The following LNP1 variants were observed in gnomAD, a reference collection of about 807,000 sequenced individuals.
LNP1 encodes leukemia NUP98 fusion partner 1.
Under a neutral mutation model 14.5 loss-of-function variants are expected in LNP1, and 12 were observed. The observed-to-expected ratio is 0.83, with a 90% confidence interval of 0.53 to 1.34. The LOEUF (loss-of-function observed/expected upper bound fraction) is 1.34, where lower values mean the gene tolerates loss of function less well. Ranked by LOEUF, LNP1 falls within the 40% of genes most tolerant of loss-of-function variation. LNP1 has a pLI of 0.00. For missense variants in LNP1, 198 were observed against 210.9 expected, an observed-to-expected ratio of 0.94 and a Z score of 0.38; for synonymous variants, 75 against 71.4, an observed-to-expected ratio of 1.05 and a Z score of -0.26.
At chr3:100,431,399 C>T (rs541039639) in intron 2 of LNP1, among the ~76,000 whole-genome samples, 119 of 152,332 alleles carry the variant, frequency 7.8e-4, no homozygotes, top group Non-Finnish European at 1.4e-3. Context: ...ATCTGCTTAT[C>T]CCTGCTTCGG....
At chr3:100,422,089 A>G (rs1164847330) in intron 1 of LNP1, among the ~76,000 whole-genome samples, 1 of 151,818 alleles carries the variant, frequency 6.6e-6, no homozygotes, top group African/African-American at 2.4e-5. Context: ...AGAAGTGCTG[A>G]GGCATTACCT....
intron 2 of LNP1, 64 bp from the exon 3 acceptor site, chr3:100,451,655 C>T (rs746201107): frequency 3.6e-6 from 2 of 551,604 alleles, no homozygotes; most frequent in East Asian, 1.1e-4. Context: ...TATAAACATT[C>T]TGCCTCTGTG....
intron 1 of LNP1, among the ~76,000 whole-genome samples, chr3:100,425,816 C>T (rs900422861): frequency 6.6e-6 from 1 of 152,194 alleles, no homozygotes; most frequent in Non-Finnish European, 1.5e-5. Flanking sequence ...GTTTACATTA[C>T]CCTATCCCTT....
At position 100,442,118 on chromosome 3, in the gene LNP1, A is replaced by G. The variant is rs1707349298; in HGVS notation, c.157-9601A>G. Among the ~76,000 whole-genome samples the G allele has an allele frequency of 2.0e-5, 3 of 152,196 alleles. No individual in the cohort carries two copies. The South Asian group carries it at 6.2e-4, about 31-fold the overall frequency. On this transcript the variant is annotated intron_variant, in intron 2 of 3. Coordinates refer to ENST00000383693, the MANE Select transcript of LNP1 (RefSeq NM_001085451.2). The stretch of plus-strand genomic sequence containing the variant: ...TATGGCTCCATTAAAAAATTTTAAA[A>G]ATCATTTTGGAGTTTATTTTTACAT...
At chr3:100,426,023 G>A (rs1025753729) in intron 1 of LNP1, among the ~76,000 whole-genome samples, 3 of 152,148 alleles carry the variant, frequency 2.0e-5, no homozygotes, top group African/African-American at 7.2e-5. Flanking sequence ...ATCCCATAAG[G>A]GGTCAAGAGC....
intron 1 of LNP1, among the ~76,000 whole-genome samples, chr3:100,420,120 T>C (rs1207305629): frequency 6.6e-6 from 1 of 152,366 alleles, no homozygotes; most frequent in East Asian, 1.9e-4. Flanking sequence ...CTTTACCTAA[T>C]GGCTAATGAT....
intron 2 of LNP1, among the ~76,000 whole-genome samples, chr3:100,430,300 G>C (rs1431182968): frequency 2.6e-5 from 4 of 152,190 alleles, no homozygotes; most frequent in Admixed American, 2.6e-4. Context: ...AGGAACTGGG[G>C]ATCCCACATG....
At chr3:100,446,564 C>G (rs1439075240) in intron 2 of LNP1, among the ~76,000 whole-genome samples, 1 of 152,052 alleles carries the variant, frequency 6.6e-6, no homozygotes, top group African/African-American at 2.4e-5. Flanking sequence ...ACTAAAACAC[C>G]AAAAGCAATG....
intron 1 of LNP1, among the ~76,000 whole-genome samples, chr3:100,421,941 T>C (rs1707147277): frequency 6.6e-6 from 1 of 152,214 alleles, no homozygotes; most frequent in East Asian, 1.9e-4. Flanking sequence ...TTTGTCAGTT[T>C]TCTTTATGTG....
chr3:100,446,926 GCAATCA>G (rs1301687691), intron 2 of LNP1, among the ~76,000 whole-genome samples: 1 of 152,154 alleles, frequency 6.6e-6, no homozygotes, highest in Non-Finnish European at 1.5e-5. Context: ...AGTTAGAACG[GCAATCA>G]TTAAAAAGTC....
At chr3:100,445,023 A>G (rs1232447227) in intron 2 of LNP1, among the ~76,000 whole-genome samples, 1 of 152,210 alleles carries the variant, frequency 6.6e-6, no homozygotes, top group Non-Finnish European at 1.5e-5. Context: ...CTGTAATCCC[A>G]GCACTTTGGG....
chr3:100,449,641 C>G (rs897405139), intron 2 of LNP1, among the ~76,000 whole-genome samples: 1 of 152,008 alleles, frequency 6.6e-6, no homozygotes, highest in African/African-American at 2.4e-5. Flanking sequence ...ACAAAACAAA[C>G]AAACAAACAA....
At chr3:100,420,562 A>G (rs1233325092) in intron 1 of LNP1, among the ~76,000 whole-genome samples, 3 of 151,182 alleles carry the variant, frequency 2.0e-5, no homozygotes, top group Non-Finnish European at 3.0e-5. Context: ...AGTGATCCTC[A>G]TATCTTGGCC....
intron 3 of LNP1, among the ~76,000 whole-genome samples, chr3:100,455,210 T>C (rs1707499179): frequency 6.6e-6 from 1 of 152,246 alleles, no homozygotes; most frequent in Admixed American, 6.5e-5. Context: ...AGTAGGTCTA[T>C]TTAGTGTTAT....
Position 100,409,802 on chromosome 3 carries a change from C to A in LNP1, c.-34+7363C>A, listed in dbSNP as rs540202912. ...TAGAGACGGGGTTTCACCATATTGG[C>A]CGGGCTGGTGTTGAACTCCTGACCT... On this transcript the variant is annotated intron_variant, in intron 1 of 3. Transcript: ENST00000383693. Among the ~76,000 whole-genome samples, 3 of 151,406 alleles carry A rather than the reference C, an allele frequency of 2.0e-5. No homozygotes were observed. In the South Asian group the frequency reaches 6.3e-4, roughly 32 times the overall value.
chr3:100,403,669 C>T (rs1468641217), intron 1 of LNP1, among the ~76,000 whole-genome samples: 1 of 152,128 alleles, frequency 6.6e-6, no homozygotes, highest in Non-Finnish European at 1.5e-5. Context: ...GAACTCCTGA[C>T]CTCAGGTGAT....
In LNP1 at chr3:100,452,629, C is replaced by CTAG. The variant is rs540019982; in HGVS notation, c.387+681_387+682insAGT. 6.1e-3 allele frequency among the ~76,000 whole-genome samples: 928 copies of CTAG among 152,222 alleles called. 10 individuals carry two copies. The highest frequency in any genetic ancestry group is 0.021 in the African/African-American group (879 of 41,516). On this transcript the variant is annotated intron_variant, in intron 3 of 3. Coordinates refer to ENST00000383693, the MANE Select transcript of LNP1 (RefSeq NM_001085451.2). ...GGCTTCTCTCCTTTCATATTTAATC[C>CTAG]TCTAGCAAATAGTCTATGATGGTGT...
At chr3:100,423,408 A>G (rs1489604880) in intron 1 of LNP1, among the ~76,000 whole-genome samples, 1 of 152,178 alleles carries the variant, frequency 6.6e-6, no homozygotes, top group Non-Finnish European at 1.5e-5. Flanking sequence ...CTGTAATCCT[A>G]ACACTTTGGG....
intron 2 of LNP1, among the ~76,000 whole-genome samples, chr3:100,444,563 T>A (rs9838524): frequency 0.011 from 1,713 of 152,324 alleles, 23 homozygotes; most frequent in African/African-American, 0.039. Flanking sequence ...GGAAAAGACA[T>A]AATTTATTAT....
Sources: gnomAD v4.1 joint callset for allele counts (sites outside exome capture counted in the v4.1 genomes callset) on GRCh38, gnomAD v4.1.1 for gene constraint, MANE v1.5 for transcripts, NCBI Gene and HGNC (gene_info 2026-07-23, HGNC 2026-07-21) for gene names.